Variants in SERPINC1 observed in about 807,000 individuals in gnomAD.
The protein encoded by SERPINC1 is antithrombin-III.
In SERPINC1, 12 loss-of-function variants were observed where a neutral mutation model predicts 43.4. The observed-to-expected ratio is 0.28, with a 90% confidence interval of 0.18 to 0.45. The LOEUF is 0.45. SERPINC1 is among the 20% of genes least tolerant of loss of function. The pLI is 1.00. For synonymous variants in SERPINC1, 210 were observed against 218.9 expected (o/e 0.96, Z 0.36); for missense variants, 423 against 578.8 (o/e 0.73, Z 2.76).
intron 1 of SERPINC1, among the ~76,000 whole-genome samples, chr1:173,916,956 C>G (rs1658017047): frequency 6.6e-6 from 1 of 152,164 alleles, no homozygotes; most frequent in Non-Finnish European, 1.5e-5. Flanking sequence ...TGCTGACTTC[C>G]TGCACAGCAT....
intron 2 of SERPINC1, among the ~76,000 whole-genome samples, chr1:173,913,972 G>A (rs1165065853): frequency 6.6e-6 from 1 of 152,142 alleles, no homozygotes; most frequent in Non-Finnish European, 1.5e-5. Flanking sequence ...CATCTACTCA[G>A]GAGGCTGAGG....
chr1:173,910,692 AAG>A (rs1491515111), intron 4 of SERPINC1, 60 bp downstream of exon 4: 3 of 1,569,272 alleles, frequency 1.9e-6, no homozygotes, highest in East Asian at 2.2e-5. Context: ...TTTAAAAAAA[AAG>A]GGGGTAAGCT....
At chr1:173,909,970 C>G in intron 4 of SERPINC1, 28 bp from the exon 5 acceptor site, 1 of 1,611,500 alleles carries the variant, frequency 6.2e-7, no homozygotes, top group East Asian at 2.2e-5. Flanking sequence ...AGTAAGAACA[C>G]AAACATTCAT....
rs1278208840 is a variant in SERPINC1 at position 173,915,130 on chromosome 1, G to T, written c.42-211C>A. On this transcript the variant is annotated intron_variant, in intron 1 of 6. Transcript: ENST00000367698. Reference sequence around the variant, plus strand: ...AGTTCAGTTGCCTGGACGTGGTCATGTTGGAATTAGAATCATCTGATGGTT... The same window carrying T: ...AGTTCAGTTGCCTGGACGTGGTCATTTTGGAATTAGAATCATCTGATGGTT... The T allele has an allele frequency of 6.3e-6, 9 of 1,433,584 alleles. No homozygotes were observed. In the Admixed American group the frequency reaches 2.3e-4, roughly 36 times the overall value. 88.8% of individuals were successfully genotyped at this position (1,433,584 alleles called of 1,614,324 possible).
intron 2 of SERPINC1, among the ~76,000 whole-genome samples, chr1:173,913,079 C>T (rs1357743536): frequency 6.6e-6 from 1 of 152,154 alleles, no homozygotes; most frequent in Non-Finnish European, 1.5e-5. Flanking sequence ...TGGAAATTGA[C>T]CACTAGAATA....
intron 3 of SERPINC1, 58 bp from the exon 4 acceptor site, chr1:173,910,949 T>C (rs1657749211): frequency 6.3e-7 from 1 of 1,586,874 alleles, no homozygotes; most frequent in South Asian, 1.1e-5. Flanking sequence ...CTTCTCCATT[T>C]TCCCAGGCAG....
intron 4 of SERPINC1, 93 bp downstream of exon 4, chr1:173,910,661 C>T (rs556155419): frequency 7.9e-7 from 1 of 1,263,664 alleles, no homozygotes; most frequent in East Asian, 2.4e-5. Flanking sequence ...CATTTGCCCT[C>T]TCAGGGCTTC....
intron 6 of SERPINC1, among the ~76,000 whole-genome samples, chr1:173,904,700 G>T (rs775349351): frequency 1.3e-5 from 2 of 152,094 alleles, no homozygotes; most frequent in Non-Finnish European, 2.9e-5. Context: ...ATGATTAACC[G>T]GCTCCCTGGG....
intron 5 of SERPINC1, among the ~76,000 whole-genome samples, chr1:173,908,509 A>AAAATAAT (rs1657625581): frequency 6.6e-6 from 1 of 151,554 alleles, no homozygotes; most frequent in African/African-American, 2.4e-5. Context: ...AAAAAAAAAA[A>AAAATAAT]AAAGGTCAAT....
chr1:173,913,611 C>T (rs1010862394), intron 2 of SERPINC1, among the ~76,000 whole-genome samples: 3 of 152,132 alleles, frequency 2.0e-5, no homozygotes, highest in Non-Finnish European at 2.9e-5. Flanking sequence ...AATCACAGCA[C>T]TTTGGGAGGC....
In SERPINC1 at chr1:173,911,259, TGCAGGTTATATGGGGTTG is replaced by T. The variant is rs1315296013; in HGVS notation, c.625-386_625-369del. On this transcript the variant is annotated intron_variant, in intron 3 of 6. Coordinates refer to ENST00000367698, the MANE Select transcript of SERPINC1 (RefSeq NM_000488.4). ...TGTGCCAGGGGAAGCAATGAATGATTGCAGGTTATATGGGGTTGGCAGGTTATATGGGGTTGGCAGGTT... is the reference window on the plus strand; with the variant it reads ...TGTGCCAGGGGAAGCAATGAATGATTGCAGGTTATATGGGGTTGGCAGGTT... Among the ~76,000 whole-genome samples the T allele has an allele frequency of 7.9e-5, 12 of 152,328 alleles. No individual in the cohort carries two copies. In the East Asian group the frequency reaches 1.2e-3, roughly 15 times the overall value.
chr1:173,912,049 G>A (rs1449853827), intron 2 of SERPINC1, 35 bp from the exon 3 acceptor site: 3 of 1,511,410 alleles, frequency 2.0e-6, no homozygotes, highest in South Asian at 2.3e-5. Context: ...GGTGGGTTTG[G>A]TGGGCTGCCT....
At chr1:173,904,153 C>G in intron 6 of SERPINC1, 88 bp from the exon 7 acceptor site, 2 of 1,272,138 alleles carry the variant, frequency 1.6e-6, no homozygotes, top group South Asian at 1.2e-5. Context: ...AGCAATTCCT[C>G]AAATGCTTTT....
chr1:173,910,197 C>G (rs920361675), intron 4 of SERPINC1, among the ~76,000 whole-genome samples: 11 of 152,144 alleles, frequency 7.2e-5, no homozygotes, highest in African/African-American at 2.7e-4. Flanking sequence ...TACATCCAGA[C>G]CAAATGTAAT....
At chr1:173,916,191 T>C (rs1048480594) in intron 1 of SERPINC1, among the ~76,000 whole-genome samples, 7 of 152,246 alleles carry the variant, frequency 4.6e-5, no homozygotes, top group Admixed American at 2.6e-4. Context: ...ATAAAGTCTC[T>C]TGTAATATTT....
chr1:173,914,518 A>G, intron 2 of SERPINC1, 35 bp downstream of exon 2: 11 of 1,613,084 alleles, frequency 6.8e-6, no homozygotes, highest in Non-Finnish European at 9.3e-6. Flanking sequence ...AGGTGCTCCT[A>G]ACAAGGTGGC....
At chr1:173,911,203 C>T (rs1330882810) in intron 3 of SERPINC1, among the ~76,000 whole-genome samples, 3 of 152,068 alleles carry the variant, frequency 2.0e-5, no homozygotes, top group African/African-American at 7.2e-5. Flanking sequence ...TTTGGAAAAC[C>T]TTAACTCACA....
rs576111418 is a variant in SERPINC1 at position 173,910,695 on chromosome 1, G to A, written c.762+59C>T. The A allele has an allele frequency of 5.6e-4, 878 of 1,574,582 alleles. 5 individuals carry two copies. Among genetic ancestry groups the A allele is most frequent in the South Asian group, 2.3e-3 (203 of 90,080 alleles). On this transcript the variant is annotated intron_variant, in intron 4 of 6. Coordinates refer to ENST00000367698, the MANE Select transcript of SERPINC1 (RefSeq NM_000488.4). ...TCGGTCTCGCCATTTAAAAAAAAAG[G>A]GGGTAAGCTGAAGAGCAAGAGGAAG...
chr1:173,909,284 C>G lies in SERPINC1; in HGVS notation c.1153+268G>C, dbSNP rs1557901956. 2.0e-5 allele frequency among the ~76,000 whole-genome samples: 3 copies of G among 152,336 alleles called. No homozygotes were observed. The South Asian group carries it at 6.2e-4, about 32-fold the overall frequency. Reference sequence around the variant, plus strand: ...CAATGCCCTTTCAAATTCCTCTCCACCTGGTCCCATCTCCTCTACCTGATA... The same window carrying G: ...CAATGCCCTTTCAAATTCCTCTCCAGCTGGTCCCATCTCCTCTACCTGATA... On this transcript the variant is annotated intron_variant, in intron 5 of 6. Transcript: ENST00000367698.
Sources: gnomAD v4.1 joint callset for allele counts (sites outside exome capture counted in the v4.1 genomes callset) on GRCh38, gnomAD v4.1.1 for gene constraint, MANE v1.5 for transcripts, NCBI Gene and HGNC (gene_info 2026-07-23, HGNC 2026-07-21) for gene names.